CAMK4: variants seen among roughly 807,000 people sequenced by gnomAD.
The protein encoded by CAMK4 is calcium/calmodulin-dependent protein kinase type IV.
CAMK4 carries 22 observed loss-of-function variants against 44.9 expected under a neutral mutation model. That is an observed-to-expected ratio of 0.49 (90% CI 0.35 to 0.70). CAMK4 has a LOEUF of 0.70. Ranked by LOEUF, CAMK4 falls within the 30% of genes least tolerant of loss-of-function variation. CAMK4 has a pLI of 0.01. For synonymous variants in CAMK4, 218 were observed against 215.4 expected (o/e 1.01, Z -0.11); for missense variants, 498 against 586.8 (o/e 0.85, Z 1.56).
intron 2 of CAMK4, among the ~76,000 whole-genome samples, chr5:111,364,111 A>G (rs540619582): frequency 1.4e-4 from 22 of 152,120 alleles, no homozygotes; most frequent in African/African-American, 5.1e-4. Flanking sequence ...AGAGGCAACA[A>G]TAGAGAGGTT....
At chr5:111,314,825 T>C (rs1748353472) in intron 1 of CAMK4, among the ~76,000 whole-genome samples, 1 of 152,108 alleles carries the variant, frequency 6.6e-6, no homozygotes, top group African/African-American at 2.4e-5. Flanking sequence ...TTTTTATTGT[T>C]GTTTAAAATA....
intron 1 of CAMK4, among the ~76,000 whole-genome samples, chr5:111,321,786 G>T (rs1561410179): frequency 6.6e-6 from 1 of 152,094 alleles, no homozygotes; most frequent in African/African-American, 2.4e-5. Flanking sequence ...AATAACAGAT[G>T]CTGTTGATGT....
At position 111,386,592 on chromosome 5, in the gene CAMK4, C is replaced by G. The variant is rs1436084607; in HGVS notation, c.387-8118C>G. Among the ~76,000 whole-genome samples, 4 of 152,290 alleles carry G rather than the reference C, an allele frequency of 2.6e-5. No individual in the cohort carries two copies. The East Asian group carries it at 7.7e-4, about 29-fold the overall frequency. ...TTTGTGGCAATTAGTGTTACAGAAG[C>G]AAATGCACCAGAGTCATATGTTACA... On this transcript the variant is annotated intron_variant, in intron 4 of 10. Transcript: ENST00000282356.
At chr5:111,424,457 T>G (rs1753144197) in intron 5 of CAMK4, among the ~76,000 whole-genome samples, 1 of 140,164 alleles carries the variant, frequency 7.1e-6, no homozygotes, top group Admixed American at 7.1e-5. Flanking sequence ...TTTTTTTTTT[T>G]TTTTTGAGAC....
chr5:111,252,968 AAGAGAT>A (rs1749578369), intron 1 of CAMK4, among the ~76,000 whole-genome samples: 1 of 152,216 alleles, frequency 6.6e-6, no homozygotes, highest in Admixed American at 6.5e-5. Context: ...ACAATGCAGA[AAGAGAT>A]AGAGGGCTCA....
In CAMK4 at chr5:111,492,043, G is replaced by A. The variant is rs1024679675; in HGVS notation, c.*7577G>A. The stretch of plus-strand genomic sequence containing the variant: ...GAGAGGGCCTTGAGTAAATGCTTTC[G>A]TTTGCTTTCCTTACATATTTAGAAA... On this transcript the variant is annotated 3_prime_UTR_variant, in exon 11 of 11. Coordinates refer to ENST00000282356, the MANE Select transcript of CAMK4 (RefSeq NM_001744.6). 1.3e-5 allele frequency: 2 copies of A among 151,930 alleles called. No individual in the cohort carries two copies. Among genetic ancestry groups the A allele is most frequent in the Non-Finnish European group, 2.9e-5 (2 of 67,986 alleles). The allele number at this position is 151,930 out of a possible 1,614,324, so 9.4% of individuals were successfully genotyped here.
intron 5 of CAMK4, among the ~76,000 whole-genome samples, chr5:111,401,616 G>A (rs1752230808): frequency 6.6e-6 from 1 of 152,074 alleles, no homozygotes; most frequent in Non-Finnish European, 1.5e-5. Flanking sequence ...AAATTAACCT[G>A]TAACTCACTC....
Position 111,275,847 on chromosome 5 carries a change from T to A in CAMK4, c.161+51203T>A, listed in dbSNP as rs114435524. ...AGATATCCCAATTACCCTGACTTCA[T>A]CATTACACATTATATACATGTATAA... On this transcript the variant is annotated intron_variant, in intron 1 of 10. Coordinates refer to ENST00000282356, the MANE Select transcript of CAMK4 (RefSeq NM_001744.6). Among the ~76,000 whole-genome samples the A allele has an allele frequency of 8.7e-3, 1,322 of 152,216 alleles. 15 individuals carry two copies. The highest frequency in any genetic ancestry group is 0.031 in the African/African-American group (1,280 of 41,546).
intron 1 of CAMK4, among the ~76,000 whole-genome samples, chr5:111,252,125 A>G (rs1293856596): frequency 6.6e-6 from 1 of 152,184 alleles, no homozygotes; most frequent in African/African-American, 2.4e-5. Flanking sequence ...ACACTGTCGT[A>G]TTCATGGCAG....
intron 1 of CAMK4, among the ~76,000 whole-genome samples, chr5:111,330,415 A>G (rs1749114791): frequency 6.6e-6 from 1 of 151,684 alleles, no homozygotes; most frequent in African/African-American, 2.4e-5. Flanking sequence ...GTTCTCTCCA[A>G]ATTGATCTAT....
Position 111,388,490 on chromosome 5 carries a change from C to T in CAMK4, c.387-6220C>T, listed in dbSNP as rs556959457. ...TACCTATCCCGACCCCCAACTGCCA[C>T]CCTCCTTGCATCTGAAAAATTTCTA... On this transcript the variant is annotated intron_variant, in intron 4 of 10. Transcript: ENST00000282356. 3.3e-5 allele frequency among the ~76,000 whole-genome samples: 5 copies of T among 152,232 alleles called. No individual in the cohort carries two copies. The East Asian group carries it at 9.7e-4, about 29-fold the overall frequency.
At chr5:111,258,740 C>CGTGTGTGTTT (rs1554055374) in intron 1 of CAMK4, among the ~76,000 whole-genome samples, 1 of 139,236 alleles carries the variant, frequency 7.2e-6, no homozygotes, top group Non-Finnish European at 1.6e-5. Flanking sequence ...GAGTTATCAG[C>CGTGTGTGTTT]GTGTGTGTGT....
intron 5 of CAMK4, among the ~76,000 whole-genome samples, chr5:111,427,378 T>C (rs1437001611): frequency 6.6e-6 from 1 of 152,182 alleles, no homozygotes; most frequent in East Asian, 1.9e-4. Context: ...TCAAGGACCT[T>C]AGCCTGTGAA....
intron 7 of CAMK4, among the ~76,000 whole-genome samples, chr5:111,472,278 C>G (rs1444240440): frequency 6.6e-6 from 1 of 152,140 alleles, no homozygotes; most frequent in Non-Finnish European, 1.5e-5. Flanking sequence ...GCATTCCAAC[C>G]CCTATCCCAG....
chr5:111,396,088 T>C (rs1689448712), intron 5 of CAMK4, among the ~76,000 whole-genome samples: 1 of 152,094 alleles, frequency 6.6e-6, no homozygotes, highest in African/African-American at 2.4e-5. Context: ...GGGAGGACTC[T>C]GATATCTAAC....
At chr5:111,471,924 G>A (rs1022637949) in intron 7 of CAMK4, among the ~76,000 whole-genome samples, 3 of 151,854 alleles carry the variant, frequency 2.0e-5, no homozygotes, top group South Asian at 2.1e-4. Context: ...TTTTGAGACA[G>A]AGTCTTGTTC....
chr5:111,254,170 T>G (rs1168855880), intron 1 of CAMK4, among the ~76,000 whole-genome samples: 1 of 152,216 alleles, frequency 6.6e-6, no homozygotes, highest in Non-Finnish European at 1.5e-5. Context: ...TTTTGGAACT[T>G]GAGGGCAAGG....
chr5:111,409,491 G>A (rs926593697), intron 5 of CAMK4, among the ~76,000 whole-genome samples: 5 of 152,206 alleles, frequency 3.3e-5, no homozygotes, highest in East Asian at 3.9e-4. Flanking sequence ...AGGCCTCCAG[G>A]CCTGTGATGG....
At chr5:111,362,791 G>C (rs1750644509) in intron 2 of CAMK4, among the ~76,000 whole-genome samples, 1 of 151,962 alleles carries the variant, frequency 6.6e-6, no homozygotes, top group Admixed American at 6.6e-5. Context: ...GCCAGGCTCT[G>C]TGCCCATGGA....
Sources: gnomAD v4.1 joint callset for allele counts (sites outside exome capture counted in the v4.1 genomes callset) on GRCh38, gnomAD v4.1.1 for gene constraint, MANE v1.5 for transcripts, NCBI Gene and HGNC (gene_info 2026-07-23, HGNC 2026-07-21) for gene names.